The following SNX29 variants were observed in gnomAD, a reference collection of about 807,000 sequenced individuals.
The protein encoded by SNX29 is sorting nexin 29, also known as sorting nexin-29.
A neutral mutation model predicts 102.1 loss-of-function variants in SNX29; 78 were observed. That is an observed-to-expected ratio of 0.76 (90% CI 0.64 to 0.92). The LOEUF (loss-of-function observed/expected upper bound fraction) is 0.92, where lower values mean the gene tolerates loss of function less well. Ranked by LOEUF, SNX29 falls within the 40% of genes least tolerant of loss-of-function variation. SNX29 has a pLI of 0.00. For synonymous variants in SNX29, 580 were observed against 414.5 expected (o/e 1.40, Z -4.85); for missense variants, 1,280 against 1,061.7 (o/e 1.21, Z -2.86).
intron 13 of SNX29, among the ~76,000 whole-genome samples, chr16:12,135,388 A>C (rs2054622456): frequency 6.6e-6 from 1 of 152,210 alleles, no homozygotes. Flanking sequence ...CTGCCCCTAC[A>C]GGGCTCCAGA....
chr16:12,088,041 T>C (rs1272103785), intron 11 of SNX29: 1 of 456,658 alleles, frequency 2.2e-6, no homozygotes, highest in South Asian at 1.5e-5. Flanking sequence ...GTTCTGGCTT[T>C]GCTTGTGTCT....
chr16:12,102,264 A>T (rs376129480), intron 11 of SNX29, among the ~76,000 whole-genome samples: 8 of 152,196 alleles, frequency 5.3e-5, no homozygotes, highest in South Asian at 2.1e-4. Flanking sequence ...TGATTTATAA[A>T]CCTTTGGGTA....
rs1226148494 is a variant in SNX29, at chr16:12,572,795, C to T, written c.*4166C>T. ...AGACCCCACCTCACTCCTCCTTCCC[C>T]AGTACATCAGACTGGTTAGGAGGCA... is the stretch of plus-strand genomic sequence containing the variant. On this transcript the variant is annotated 3_prime_UTR_variant, in exon 21 of 21. Transcript: ENST00000566228. The T allele has an allele frequency of 7.5e-6, 8 of 1,063,698 alleles. No individual in the cohort carries two copies. The highest frequency in any genetic ancestry group is 8.0e-6 in the Non-Finnish European group (7 of 878,210). The allele number at this position is 1,063,698 out of a possible 1,614,324, so 65.9% of individuals were successfully genotyped here.
chr16:12,032,175 G>A (rs2057362759), intron 4 of SNX29, among the ~76,000 whole-genome samples: 1 of 148,988 alleles, frequency 6.7e-6, no homozygotes, highest in Non-Finnish European at 1.5e-5. Context: ...GTTGTAGTAT[G>A]TGTCAGAATT....
intron 15 of SNX29, among the ~76,000 whole-genome samples, chr16:12,287,075 G>T (rs1596765538): frequency 6.6e-6 from 1 of 152,304 alleles, no homozygotes; most frequent in East Asian, 1.9e-4. Context: ...CAAGGAACTG[G>T]AGCATCTCAT....
At chr16:12,087,993 C>A (rs768806959) in intron 11 of SNX29, 1 of 456,530 alleles carries the variant, frequency 2.2e-6, no homozygotes, top group African/African-American at 2.0e-5. Flanking sequence ...GTGCAGGGGG[C>A]CATGGTCCTT....
At chr16:12,502,491 T>G (rs1372238481) in intron 19 of SNX29, among the ~76,000 whole-genome samples, 1 of 152,100 alleles carries the variant, frequency 6.6e-6, no homozygotes, top group Non-Finnish European at 1.5e-5. Context: ...AAATGCCCTT[T>G]GAATGCCACC....
chr16:12,518,364 G>A (rs549474232), intron 19 of SNX29, among the ~76,000 whole-genome samples: 1 of 152,284 alleles, frequency 6.6e-6, no homozygotes, highest in East Asian at 1.9e-4. Context: ...CACACCGGCT[G>A]CCTCCTGTTC....
chr16:12,136,211 C>G (rs1482261943), intron 13 of SNX29, among the ~76,000 whole-genome samples: 1 of 152,208 alleles, frequency 6.6e-6, no homozygotes, highest in African/African-American at 2.4e-5. Context: ...GGTTCTTTAA[C>G]TATTTAGAAA....
At chr16:12,183,916 T>C (rs561736327) in intron 13 of SNX29, among the ~76,000 whole-genome samples, 1 of 152,306 alleles carries the variant, frequency 6.6e-6, no homozygotes, top group East Asian at 1.9e-4. Flanking sequence ...ACAAATGCCA[T>C]GGCAACATCA....
At chr16:12,416,546 G>C (rs1487767715) in intron 18 of SNX29, among the ~76,000 whole-genome samples, 1 of 152,158 alleles carries the variant, frequency 6.6e-6, no homozygotes, top group African/African-American at 2.4e-5. Context: ...CGTTTGTTTT[G>C]TGTGGCTGTG....
chr16:12,043,792 TG>T (rs2049981251), intron 5 of SNX29, among the ~76,000 whole-genome samples: 2 of 152,186 alleles, frequency 1.3e-5, no homozygotes, highest in Non-Finnish European at 2.9e-5. Context: ...CTCACTCTTT[TG>T]CCCAGGCTGG....
At chr16:12,566,518 C>T (rs2079016746) in intron 20 of SNX29, among the ~76,000 whole-genome samples, 1 of 152,196 alleles carries the variant, frequency 6.6e-6, no homozygotes, top group Admixed American at 6.5e-5. Context: ...TGCTCAGACC[C>T]CGCATCTGAA....
chr16:12,524,984 G>C, intron 20 of SNX29, 143 bp downstream of exon 20: 1 of 1,213,124 alleles, frequency 8.2e-7, no homozygotes, highest in Non-Finnish European at 1.1e-6. Flanking sequence ...GCTGTTCCAG[G>C]TGCCAAAGTG....
At chr16:12,087,896 G>A (rs1311934158) in intron 11 of SNX29, 1 of 456,710 alleles carries the variant, frequency 2.2e-6, no homozygotes, top group African/African-American at 2.0e-5. Flanking sequence ...CTGGCAACCT[G>A]ATTCCTGCTG....
At chr16:12,302,724 T>G (rs1195442777) in intron 15 of SNX29, among the ~76,000 whole-genome samples, 1 of 152,240 alleles carries the variant, frequency 6.6e-6, no homozygotes, top group Non-Finnish European at 1.5e-5. Context: ...GACCATAGTT[T>G]CTCCTGTTCT....
At chr16:12,181,196 A>C (rs1296144162) in intron 13 of SNX29, among the ~76,000 whole-genome samples, 1 of 152,206 alleles carries the variant, frequency 6.6e-6, no homozygotes, top group African/African-American at 2.4e-5. Context: ...TATCTGAGAC[A>C]GGCCTCAGTT....
chr16:12,001,622 C>A (rs2056291458), intron 2 of SNX29, among the ~76,000 whole-genome samples: 2 of 151,918 alleles, frequency 1.3e-5, no homozygotes. Context: ...TATACACATA[C>A]ACACACACAG....
chr16:12,238,242 G>C (rs926723191), intron 14 of SNX29, among the ~76,000 whole-genome samples: 2 of 151,272 alleles, frequency 1.3e-5, no homozygotes, highest in African/African-American at 4.9e-5. Context: ...GTGAAAGGGA[G>C]GAAATTAAGG....
Sources: allele counts gnomAD v4.1 joint callset (sites outside exome capture counted in the v4.1 genomes callset), GRCh38; gene constraint gnomAD v4.1.1; transcripts MANE v1.5; gene names NCBI Gene and HGNC (gene_info 2026-07-23, HGNC 2026-07-21).